Variants in MTMR7 observed in about 807,000 individuals in gnomAD.
The protein encoded by MTMR7 is myotubularin related protein 7, also known as phosphatidylinositol-3-phosphate phosphatase MTMR7.
A neutral mutation model predicts 81.2 loss-of-function variants in MTMR7; 76 were observed. The observed-to-expected ratio is 0.94, with a 90% CI of 0.78 to 1.13. The LOEUF is 1.13. MTMR7 is among the 50% of genes most tolerant of loss of function. The pLI is 0.00. For missense variants in MTMR7, 1,044 were observed against 820.0 expected, an observed-to-expected ratio of 1.27 and a Z score of -3.34; for synonymous variants, 372 against 289.8, an observed-to-expected ratio of 1.28 and a Z score of -2.88.
intron 4 of MTMR7, among the ~76,000 whole-genome samples, chr8:17,360,008 AT>A (rs1464380752): frequency 6.6e-6 from 1 of 152,206 alleles, no homozygotes; most frequent in Non-Finnish European, 1.5e-5. Flanking sequence ...GTTCTCCATT[AT>A]TTAAAATAGT....
Position 17,331,216 on chromosome 8 carries a change from T to TGATATTGG in MTMR7, c.791_798dup (p.Lys267ProfsTer10). The TGATATTGG allele has an allele frequency of 6.2e-7, 1 of 1,612,932 alleles. No homozygotes were observed. The highest frequency in any genetic ancestry group is 8.5e-7 in the Non-Finnish European group (1 of 1,179,654). ...TTCTCTATCCCGATAAACTGAAACTTGATATTGGAATAATTGTCTTCATTC... is the reference window on the plus strand; with the variant it reads ...TTCTCTATCCCGATAAACTGAAACTTGATATTGGGATATTGGAATAATTGTCTTCATTC... On this transcript the variant is annotated frameshift_variant, in exon 7 of 14. Transcript: ENST00000180173. LOFTEE classifies it high-confidence loss of function.
At chr8:17,304,768 T>TGTGTGTGTGTGTGTGTGTGTGG (rs1563315402) in intron 11 of MTMR7, among the ~76,000 whole-genome samples, 1 of 147,516 alleles carries the variant, frequency 6.8e-6, no homozygotes, top group African/African-American at 2.5e-5. Context: ...TGTGTGTGTG[T>TGTGTGTGTGTGTGTGTGTGTGG]TAAGCTGTTC....
chr8:17,336,511 C>A (rs757243341), intron 6 of MTMR7, among the ~76,000 whole-genome samples: 65 of 152,126 alleles, frequency 4.3e-4, no homozygotes, highest in Non-Finnish European at 7.6e-4. Flanking sequence ...CTACCACTGA[C>A]TTTCCTAGGT....
In MTMR7 at chr8:17,368,211, G is replaced by A. The variant is rs148954320; in HGVS notation, c.310+2826C>T. Among the ~76,000 whole-genome samples, 433 of 152,168 alleles carry A rather than the reference G, an allele frequency of 2.8e-3. 2 individuals are homozygous for A. Among genetic ancestry groups the A allele is most frequent in the Middle Eastern group, 6.8e-3 (2 of 294 alleles). On this transcript the variant is annotated intron_variant, in intron 3 of 13. Coordinates refer to ENST00000180173, the MANE Select transcript of MTMR7 (RefSeq NM_004686.5). ...ATGCTCCTAAGAGAATTAATGCCAC[G>A]AGTGATCTCACAGGAGGTAGAGCTC...
At chr8:17,321,795 G>A (rs1472056092) in intron 7 of MTMR7, among the ~76,000 whole-genome samples, 1 of 152,102 alleles carries the variant, frequency 6.6e-6, no homozygotes, top group Non-Finnish European at 1.5e-5. Context: ...TCATGCCCAG[G>A]TCTAGTGATA....
intron 11 of MTMR7, 25 bp from the exon 12 acceptor site, chr8:17,304,544 A>G: frequency 6.2e-7 from 1 of 1,604,974 alleles, no homozygotes; most frequent in African/African-American, 1.3e-5. Flanking sequence ...ATAAGTCTAT[A>G]AATGACCTAT....
At chr8:17,373,326 T>C in intron 1 of MTMR7, 86 bp from the exon 2 acceptor site, 2 of 1,432,228 alleles carry the variant, frequency 1.4e-6, no homozygotes, top group Non-Finnish European at 1.9e-6. Context: ...AACTCACACT[T>C]ACTCCAAAAT....
intron 1 of MTMR7, among the ~76,000 whole-genome samples, chr8:17,378,087 G>T (rs975272332): frequency 2.6e-5 from 4 of 152,132 alleles, no homozygotes; most frequent in African/African-American, 4.8e-5. Flanking sequence ...TGAGAGATTA[G>T]AATACTACCA....
chr8:17,339,227 T>C (rs942258932), intron 6 of MTMR7, among the ~76,000 whole-genome samples: 6 of 152,200 alleles, frequency 3.9e-5, no homozygotes, highest in African/African-American at 1.4e-4. Flanking sequence ...CTTCCTGTTG[T>C]AATGTTTATT....
At chr8:17,315,230 A>C (rs946583913) in intron 7 of MTMR7, among the ~76,000 whole-genome samples, 6 of 152,232 alleles carry the variant, frequency 3.9e-5, no homozygotes, top group African/African-American at 1.4e-4. Context: ...GAAAGAAGCC[A>C]ACTTTTCCTT....
At chr8:17,408,568 T>C (rs1435128318) in intron 1 of MTMR7, among the ~76,000 whole-genome samples, 1 of 152,136 alleles carries the variant, frequency 6.6e-6, no homozygotes, top group Non-Finnish European at 1.5e-5. Context: ...ATCAAGATCC[T>C]GAGAGATGGG....
chr8:17,311,390 C>T, intron 9 of MTMR7, 121 bp downstream of exon 9: 1 of 1,306,052 alleles, frequency 7.7e-7, no homozygotes, highest in Non-Finnish European at 1.1e-6. Flanking sequence ...TTTAATCTTG[C>T]TGAGCTACTA....
At chr8:17,407,641 A>C (rs910111140) in intron 1 of MTMR7, among the ~76,000 whole-genome samples, 2 of 152,170 alleles carry the variant, frequency 1.3e-5, no homozygotes, top group Non-Finnish European at 2.9e-5. Context: ...TATGTTTTGA[A>C]CACTGAAATA....
chr8:17,317,128 ATG>A (rs1818129169), intron 7 of MTMR7, among the ~76,000 whole-genome samples: 1 of 151,992 alleles, frequency 6.6e-6, no homozygotes, highest in Admixed American at 6.6e-5. Flanking sequence ...GCTTGCTTAT[ATG>A]TGTGTGTGTT....
At chr8:17,408,529 C>G (rs981659094) in intron 1 of MTMR7, among the ~76,000 whole-genome samples, 1 of 151,646 alleles carries the variant, frequency 6.6e-6, no homozygotes, top group Non-Finnish European at 1.5e-5. Context: ...TGACATCAAA[C>G]TGAGAGAACT....
At chr8:17,331,673 C>T (rs1819010580) in intron 6 of MTMR7, among the ~76,000 whole-genome samples, 2 of 152,170 alleles carry the variant, frequency 1.3e-5, no homozygotes, top group South Asian at 4.1e-4. Flanking sequence ...AAACAGCTGT[C>T]AAAATAAGGC....
At chr8:17,377,927 C>G (rs1387238903) in intron 1 of MTMR7, among the ~76,000 whole-genome samples, 1 of 152,086 alleles carries the variant, frequency 6.6e-6, no homozygotes, top group Non-Finnish European at 1.5e-5. Context: ...GGGATAGAAA[C>G]TTTATTGAGA....
chr8:17,333,867 T>G (rs769942854), intron 6 of MTMR7, among the ~76,000 whole-genome samples: 37 of 151,380 alleles, frequency 2.4e-4, no homozygotes, highest in Non-Finnish European at 2.8e-4. Context: ...TTCTCCTCCT[T>G]CACCCACAAG....
At chr8:17,302,031 G>A in intron 13 of MTMR7, 123 bp downstream of exon 13, 2 of 1,285,352 alleles carry the variant, frequency 1.6e-6, no homozygotes, top group Non-Finnish European at 2.2e-6. Flanking sequence ...TTGTGTTTCA[G>A]GTGTTCTACT....
Sources: gnomAD v4.1 joint callset for allele counts (sites outside exome capture counted in the v4.1 genomes callset) on GRCh38, gnomAD v4.1.1 for gene constraint, MANE v1.5 for transcripts, NCBI Gene and HGNC (gene_info 2026-07-23, HGNC 2026-07-21) for gene names.